The following WDPCP variants were observed in gnomAD, a reference collection of about 807,000 sequenced individuals.
WDPCP encodes WD repeat containing planar cell polarity effector.
WDPCP carries 71 observed loss-of-function variants against 93.1 expected under a neutral mutation model. That is an observed-to-expected ratio of 0.76 (90% confidence interval 0.63 to 0.93). The LOEUF is 0.93. Among genes scored for constraint, WDPCP ranks in the 40% least tolerant of loss-of-function variants. The probability of loss-of-function intolerance (pLI) is 0.00; values close to 1 mark genes in which losing one functional copy is unlikely to be tolerated. For missense variants in WDPCP, 844 were observed against 887.4 expected (o/e 0.95, Z 0.62); for synonymous variants, 315 against 315.0 (o/e 1.00, Z 0.00).
chr2:63,412,574 A>G (rs2105276370), intron 9 of WDPCP, among the ~76,000 whole-genome samples: 1 of 152,290 alleles, frequency 6.6e-6, no homozygotes, highest in South Asian at 2.1e-4. Context: ...CAAATTGGTA[A>G]AGAGGAAGTC....
intron 1 of WDPCP, among the ~76,000 whole-genome samples, chr2:63,516,594 C>T (rs577098329): frequency 6.6e-6 from 1 of 152,162 alleles, no homozygotes; most frequent in East Asian, 1.9e-4. Flanking sequence ...ATGCTGGACT[C>T]TTGCCAATGA....
At chr2:63,235,580 A>G (rs1308317319) in intron 14 of WDPCP, among the ~76,000 whole-genome samples, 2 of 152,286 alleles carry the variant, frequency 1.3e-5, no homozygotes, top group South Asian at 2.1e-4. Flanking sequence ...CCTGATGAAC[A>G]TATATGCAAA....
chr2:63,805,398 A>T (rs1670750202), intron 2 of WDPCP, among the ~76,000 whole-genome samples: 1 of 152,198 alleles, frequency 6.6e-6, no homozygotes, highest in African/African-American at 2.4e-5. Flanking sequence ...TGAGCTAGCT[A>T]ATATTTCCTA....
intron 3 of WDPCP, among the ~76,000 whole-genome samples, chr2:63,613,249 C>A (rs1709634585): frequency 6.6e-6 from 1 of 152,218 alleles, no homozygotes; most frequent in South Asian, 2.1e-4. Context: ...CAGTAGTAGA[C>A]CCTAAAATGA....
chr2:63,798,270 G>T (rs913694356), intron 2 of WDPCP, among the ~76,000 whole-genome samples: 2 of 152,052 alleles, frequency 1.3e-5, no homozygotes, highest in South Asian at 4.1e-4. Context: ...ACAGAAAAAC[G>T]CAGACTATTA....
At chr2:63,821,027 A>G (rs1354487945) in intron 1 of WDPCP, among the ~76,000 whole-genome samples, 2 of 152,204 alleles carry the variant, frequency 1.3e-5, no homozygotes, top group African/African-American at 4.8e-5. Context: ...AAATGCAATT[A>G]TAAATTCATT....
chr2:63,508,153 A>T (rs1282803048), intron 1 of WDPCP, among the ~76,000 whole-genome samples: 1 of 152,208 alleles, frequency 6.6e-6, no homozygotes, highest in African/African-American at 2.4e-5. Flanking sequence ...CAAGGTTGAA[A>T]TGAGGGAAAA....
At chr2:63,372,880 T>C (rs1691515160) in intron 12 of WDPCP, among the ~76,000 whole-genome samples, 1 of 152,130 alleles carries the variant, frequency 6.6e-6, no homozygotes, top group Non-Finnish European at 1.5e-5. Flanking sequence ...TCCCAGCACT[T>C]TGGGAGGCCG....
At chr2:63,473,573 G>C (rs1699806559) in intron 6 of WDPCP, among the ~76,000 whole-genome samples, 1 of 152,094 alleles carries the variant, frequency 6.6e-6, no homozygotes, top group South Asian at 2.1e-4. Context: ...GGTATCTTTT[G>C]CTGCAACCAC....
intron 13 of WDPCP, among the ~76,000 whole-genome samples, chr2:63,277,219 TAAA>T (rs35296098): frequency 6.6e-6 from 1 of 151,318 alleles, no homozygotes; most frequent in Non-Finnish European, 1.5e-5. Context: ...CAAGAACTGC[TAAA>T]AAAAAAAGCT....
intron 3 of WDPCP, chr2:63,607,210 C>T: frequency 3.5e-6 from 1 of 287,952 alleles, no homozygotes; most frequent in Non-Finnish European, 6.5e-6. Context: ...GACTCAGACT[C>T]TGTTTCTAGC....
At chr2:63,808,785 G>A (rs537983519) in intron 2 of WDPCP, among the ~76,000 whole-genome samples, 14 of 152,246 alleles carry the variant, frequency 9.2e-5, no homozygotes, top group African/African-American at 2.4e-4. Flanking sequence ...AGTGAGGAGC[G>A]TCTCTGCCTG....
At chr2:63,755,273 T>C (rs1669948737) in intron 2 of WDPCP, among the ~76,000 whole-genome samples, 1 of 152,178 alleles carries the variant, frequency 6.6e-6, no homozygotes, top group Non-Finnish European at 1.5e-5. Flanking sequence ...CTGACAGCCA[T>C]CTCAGAGGTG....
intron 2 of WDPCP, among the ~76,000 whole-genome samples, chr2:63,796,473 C>T (rs1670618862): frequency 6.6e-6 from 1 of 152,230 alleles, no homozygotes; most frequent in South Asian, 2.1e-4. Flanking sequence ...GAGTGTAAGA[C>T]AGTCTTGAAT....
At chr2:63,564,330 G>A (rs1413750441) in intron 1 of WDPCP, 1 of 152,146 alleles carries the variant, frequency 6.6e-6, no homozygotes, top group Non-Finnish European at 1.5e-5. Flanking sequence ...GTAACCTGTG[G>A]TTTTGGAATA....
At chr2:63,384,716 G>T (rs1194040136) in intron 10 of WDPCP, among the ~76,000 whole-genome samples, 1 of 150,728 alleles carries the variant, frequency 6.6e-6, no homozygotes, top group Non-Finnish European at 1.5e-5. Flanking sequence ...GCAAGACTGT[G>T]TCTCTAAAAA....
intron 2 of WDPCP, among the ~76,000 whole-genome samples, chr2:63,660,653 C>G (rs1710216374): frequency 6.6e-6 from 1 of 152,164 alleles, no homozygotes; most frequent in Non-Finnish European, 1.5e-5. Context: ...AAAACTACAG[C>G]TCCTTGAATA....
At chr2:63,575,796 T>C (rs940523511) in intron 1 of WDPCP, among the ~76,000 whole-genome samples, 4 of 151,822 alleles carry the variant, frequency 2.6e-5, no homozygotes, top group East Asian at 1.9e-4. Context: ...ATAGACAATA[T>C]AGAAAATAAC....
intron 2 of WDPCP, among the ~76,000 whole-genome samples, chr2:63,772,932 A>G (rs574334129): frequency 6.6e-6 from 1 of 152,174 alleles, no homozygotes; most frequent in African/African-American, 2.4e-5. Context: ...ATTTTTCTGA[A>G]TGGCCTAGCC....
Sources: gnomAD v4.1 joint callset for allele counts (sites outside exome capture counted in the v4.1 genomes callset) on GRCh38, gnomAD v4.1.1 for gene constraint, MANE v1.5 for transcripts, NCBI Gene and HGNC (gene_info 2026-07-23, HGNC 2026-07-21) for gene names.